Variants in TM4SF4 observed in about 807,000 individuals in gnomAD.
The protein encoded by TM4SF4 is transmembrane 4 L six family member 4.
A neutral mutation model predicts 24.1 loss-of-function variants in TM4SF4; 24 were observed. The ratio of observed to expected loss-of-function variants is 1.00; its 90% CI spans 0.72 to 1.40. TM4SF4 has a LOEUF of 1.40. TM4SF4 is among the 40% of genes most tolerant of loss of function. The pLI, the probability that TM4SF4 is intolerant of heterozygous loss-of-function variation, is 0.00. For synonymous variants in TM4SF4, 113 were observed against 97.0 expected (o/e 1.17, Z -0.97); for missense variants, 254 against 254.2 (o/e 1.00, Z 0.01).
At position 149,502,554 on chromosome 3, in the gene TM4SF4, C is replaced by T. The variant is rs148380257; in HGVS notation, c.592-122C>T. The T allele has an allele frequency of 1.9e-3, 1,469 of 753,800 alleles. 21 individuals carry two copies. The African/African-American group carries it at 0.022, about 11-fold the overall frequency. The allele number at this position is 753,800 out of a possible 1,614,324, so 46.7% of individuals were successfully genotyped here. A position where few individuals can be genotyped will look rare whatever the true frequency, so the allele number is the denominator to read the frequency against. ...AACAAAGCCAGAAAAGTATAGGAAA[C>T]ATTCAATAGGCAACCATTAAGAGCC... On this transcript the variant is annotated intron_variant, in intron 4 of 4. Coordinates refer to ENST00000305354, the MANE Select transcript of TM4SF4 (RefSeq NM_004617.4).
At position 149,502,848 on chromosome 3, in the gene TM4SF4, C is replaced by A. The variant is rs539862228; in HGVS notation, c.*155C>A. The stretch of plus-strand genomic sequence containing the variant: ...TTCCTTCTTTCCAACCAGCTTTGCT[C>A]GAGTTAGAATTTTGTTATTTTCAAA... On this transcript the variant is annotated 3_prime_UTR_variant, in exon 5 of 5. Coordinates refer to ENST00000305354, the MANE Select transcript of TM4SF4 (RefSeq NM_004617.4). The A allele has an allele frequency of 2.1e-5, 11 of 521,600 alleles. No homozygotes were observed. The highest frequency in any genetic ancestry group is 7.5e-5 in the South Asian group (2 of 26,808). 32.3% of individuals were successfully genotyped at this position (521,600 alleles called of 1,614,324 possible). A position where few individuals can be genotyped will look rare whatever the true frequency, so the allele number is the denominator to read the frequency against.
intron 3 of TM4SF4, among the ~76,000 whole-genome samples, 172 bp from the exon 4 acceptor site, chr3:149,498,550 C>T (rs1214962687): frequency 6.6e-6 from 1 of 152,134 alleles, no homozygotes; most frequent in Non-Finnish European, 1.5e-5. Context: ...AGGGTGTACT[C>T]AATAAAAACT....
At chr3:149,481,963 A>G (rs1734040871) in intron 2 of TM4SF4, among the ~76,000 whole-genome samples, 1 of 152,230 alleles carries the variant, frequency 6.6e-6, no homozygotes, top group South Asian at 2.1e-4. Context: ...CAAAAATACT[A>G]TAATATAATA....
chr3:149,490,703 A>G (rs1734194275), intron 3 of TM4SF4, among the ~76,000 whole-genome samples: 1 of 152,226 alleles, frequency 6.6e-6, no homozygotes, highest in Non-Finnish European at 1.5e-5. Flanking sequence ...CTGATAGTTA[A>G]AAAGGGTGTG....
intron 2 of TM4SF4, among the ~76,000 whole-genome samples, chr3:149,481,197 T>A (rs868281386): frequency 1.7e-4 from 26 of 152,326 alleles, no homozygotes; most frequent in Middle Eastern, 6.8e-3. Flanking sequence ...AATCCTCTGC[T>A]ACAAAATGGA....
intron 2 of TM4SF4, among the ~76,000 whole-genome samples, chr3:149,485,221 A>C (rs1560030491): frequency 6.6e-6 from 1 of 152,238 alleles, no homozygotes; most frequent in Non-Finnish European, 1.5e-5. Flanking sequence ...ATGTTTCATA[A>C]GTACTATATT....
At position 149,503,224 on chromosome 3, in the gene TM4SF4, A is replaced by G. The variant is rs1347811128; in HGVS notation, c.*531A>G. On this transcript the variant is annotated 3_prime_UTR_variant, in exon 5 of 5. Transcript: ENST00000305354. ...TTGTGACTGATCTTTTGAGGCTGTCATCATGGCTAGGGTTCTTTTATGTAT... is the reference window on the plus strand; with the variant it reads ...TTGTGACTGATCTTTTGAGGCTGTCGTCATGGCTAGGGTTCTTTTATGTAT... 1.3e-5 allele frequency: 2 copies of G among 152,402 alleles called. No homozygotes were observed. The highest frequency in any genetic ancestry group is 2.9e-5 in the Non-Finnish European group (2 of 68,212). The allele number at this position is 152,402 out of a possible 1,614,324, so 9.4% of individuals were successfully genotyped here.
chr3:149,475,138 A>C (rs1733905037), intron 1 of TM4SF4, 87 bp downstream of exon 1: 3 of 1,388,372 alleles, frequency 2.2e-6, no homozygotes, highest in Non-Finnish European at 2.9e-6. Context: ...GAACAGGGAG[A>C]TATTTAGTTG....
At position 149,475,986 on chromosome 3, in the gene TM4SF4, A is replaced by T. The variant is rs566013541; in HGVS notation, c.264+74A>T. Reference sequence around the variant, plus strand: ...TGCTTTTGTGCTGGGCAGCATGGGGATGGAGACAAGTTATCAGCTCCAGCC... The same window carrying T: ...TGCTTTTGTGCTGGGCAGCATGGGGTTGGAGACAAGTTATCAGCTCCAGCC... On this transcript the variant is annotated intron_variant, in intron 2 of 4. Transcript: ENST00000305354. The T allele has an allele frequency of 2.9e-5, 38 of 1,321,382 alleles. No homozygotes were observed. In the African/African-American group the frequency reaches 4.3e-4, roughly 15 times the overall value. The allele number at this position is 1,321,382 out of a possible 1,614,324, so 81.9% of individuals were successfully genotyped here.
chr3:149,497,258 C>G (rs1350561005), intron 3 of TM4SF4, among the ~76,000 whole-genome samples: 2 of 152,172 alleles, frequency 1.3e-5, no homozygotes, highest in African/African-American at 4.8e-5. Context: ...ATAGTCCTGA[C>G]AATAACCCTA....
At chr3:149,489,788 A>G (rs548728813) in intron 3 of TM4SF4, among the ~76,000 whole-genome samples, 2 of 152,282 alleles carry the variant, frequency 1.3e-5, no homozygotes, top group African/African-American at 4.8e-5. Flanking sequence ...AACAGCAACT[A>G]ACCAGCATCA....
intron 2 of TM4SF4, among the ~76,000 whole-genome samples, chr3:149,482,256 G>A (rs1411762322): frequency 6.6e-6 from 1 of 152,226 alleles, no homozygotes; most frequent in Non-Finnish European, 1.5e-5. Context: ...CCAGAACTCA[G>A]ATCCAGATCC....
At chr3:149,480,452 A>G (rs1234913550) in intron 2 of TM4SF4, among the ~76,000 whole-genome samples, 2 of 152,162 alleles carry the variant, frequency 1.3e-5, no homozygotes, top group African/African-American at 2.4e-5. Flanking sequence ...CTTAAAGCAT[A>G]TTAGATAGAT....
At chr3:149,496,015 G>A (rs763387235) in intron 3 of TM4SF4, 58 of 250,420 alleles carry the variant, frequency 2.3e-4, no homozygotes, top group Non-Finnish European at 4.0e-4. Context: ...AGTGAATATT[G>A]TTCCTAACAC....
chr3:149,487,848 C>T (rs972545111), intron 3 of TM4SF4, 93 bp downstream of exon 3: 1 of 1,521,694 alleles, frequency 6.6e-7, no homozygotes, highest in Non-Finnish European at 9.0e-7. Flanking sequence ...GCCATGTCTT[C>T]ATCCTTATGC....
At chr3:149,500,331 T>C (rs900039209) in intron 4 of TM4SF4, among the ~76,000 whole-genome samples, 2 of 152,046 alleles carry the variant, frequency 1.3e-5, no homozygotes, top group Admixed American at 6.5e-5. Flanking sequence ...TTTTTTCCTT[T>C]AATCTAGCCT....
At chr3:149,499,367 G>A (rs1039998084) in intron 4 of TM4SF4, among the ~76,000 whole-genome samples, 5 of 152,130 alleles carry the variant, frequency 3.3e-5, no homozygotes, top group Non-Finnish European at 1.5e-5. Context: ...TATTTGATAT[G>A]ATTTCTGATA....
intron 2 of TM4SF4, among the ~76,000 whole-genome samples, chr3:149,476,768 A>G (rs1733935673): frequency 1.3e-5 from 2 of 151,046 alleles, no homozygotes; most frequent in Admixed American, 1.3e-4. Flanking sequence ...TTTGGTAGAC[A>G]TAAGTCTTTC....
At chr3:149,487,988 T>C (rs1734148855) in intron 3 of TM4SF4, among the ~76,000 whole-genome samples, 1 of 152,202 alleles carries the variant, frequency 6.6e-6, no homozygotes, top group Non-Finnish European at 1.5e-5. Flanking sequence ...GACGGATGCC[T>C]CCTTTGGCCT....
Sources: gnomAD v4.1 joint callset for allele counts (sites outside exome capture counted in the v4.1 genomes callset) on GRCh38, gnomAD v4.1.1 for gene constraint, MANE v1.5 for transcripts, NCBI Gene and HGNC (gene_info 2026-07-23, HGNC 2026-07-21) for gene names.